The following ZNF831 variants were observed in gnomAD, a reference collection of about 807,000 sequenced individuals.
The protein encoded by ZNF831 is chromosome 20 open reading frame 174.
ZNF831 carries 59 observed loss-of-function variants against 95.8 expected under a neutral mutation model. The ratio of observed to expected loss-of-function variants is 0.62; its 90% CI spans 0.50 to 0.77. The LOEUF is 0.77. ZNF831 is among the 30% of genes least tolerant of loss of function. The pLI is 0.00. For missense variants in ZNF831, 2,205 were observed against 2,164.0 expected (o/e 1.02, Z -0.38); for synonymous variants, 961 against 925.5 (o/e 1.04, Z -0.70).
rs1486460029 is a variant in ZNF831 at position 59,253,143 on chromosome 20, G to T, written c.4188+5G>T. 1 of 1,613,796 alleles carries T rather than the reference G, an allele frequency of 6.2e-7. No individual in the cohort carries two copies. The highest frequency in any genetic ancestry group is 1.3e-5 in the African/African-American group (1 of 75,016). On this transcript the variant is annotated splice_donor_5th_base_variant and intron_variant, in intron 5 of 5. Coordinates refer to ENST00000371030, the MANE Select transcript of ZNF831 (RefSeq NM_178457.3). ...ATGGACAAACGAACTGTGAAGGTGG[G>T]CATGATGATTTTGAGCTGCCTCTAC... is the stretch of plus-strand genomic sequence containing the variant.
At chr20:59,163,491 C>G (rs1981009960), upstream of ZNF831, among the ~76,000 whole-genome samples, 1 of 152,164 alleles carries the variant, frequency 6.6e-6, no homozygotes, top group Non-Finnish European at 1.5e-5. Context: ...TCATTCTGGG[C>G]CCTCAGGAAC....
chr20:59,189,106 A>C (rs1365127100), intron 1 of ZNF831, among the ~76,000 whole-genome samples: 1 of 151,614 alleles, frequency 6.6e-6, no homozygotes, highest in Non-Finnish European at 1.5e-5. Flanking sequence ...GCTTGAATCC[A>C]GGAGGCAGAG....
At chr20:59,180,299 G>A (rs1295824090) in intron 1 of ZNF831, among the ~76,000 whole-genome samples, 1 of 152,062 alleles carries the variant, frequency 6.6e-6, no homozygotes, top group Non-Finnish European at 1.5e-5. Context: ...TGTTGCCCAG[G>A]CTGGTCTCAA....
chr20:59,213,203 A>C (rs1985459469), intron 4 of ZNF831, among the ~76,000 whole-genome samples: 1 of 152,176 alleles, frequency 6.6e-6, no homozygotes, highest in Non-Finnish European at 1.5e-5. Flanking sequence ...TTTATGTAAA[A>C]ATGTATGTCC....
chr20:59,178,045 G>A (rs992289157), intron 1 of ZNF831, among the ~76,000 whole-genome samples: 14 of 152,154 alleles, frequency 9.2e-5, no homozygotes, highest in African/African-American at 2.7e-4. Context: ...CAACAGATGC[G>A]GCGAGAAGCT....
rs749030384 is a variant in ZNF831 at position 59,192,822 on chromosome 20, A to G, written c.1803A>G (p.Arg601=). The change falls in exon 2 of 6, where the codon AGA becomes AGG. Residue 601 remains arginine, a synonymous_variant. Coordinates refer to ENST00000371030, the MANE Select transcript of ZNF831 (RefSeq NM_178457.3). The surrounding 1 kb of genome is among the most constrained non-coding windows in gnomAD (Gnocchi z 5.2). ...GGGAGGCCATGGCCGGCAAGGGCAG[A>G]GCGGGCGGCAGGAAGTGCGGCCAGA... ...AAREAMAGKG[R]AGGRKCGQRR... is the part of the protein sequence containing the mutation. The G allele has an allele frequency of 6.2e-7, 1 of 1,609,714 alleles. No homozygotes were observed. The highest frequency in any genetic ancestry group is 1.7e-4 in the Middle Eastern group (1 of 6,036).
rs778790344 is a variant in ZNF831 at position 59,192,694 on chromosome 20, C to A, written c.1675C>A (p.Arg559=). The change falls in exon 2 of 6, where the codon CGG becomes AGG. Residue 559 remains arginine, a synonymous_variant. Transcript: ENST00000371030. This position sits in a 1 kb window ranked among gnomAD's most constrained non-coding sequence, Gnocchi z 5.2. ...GACTGACGTTCCCAGTGGGCATCCC[C>A]GGGCCCTGGTCAGACAGGCCGCGGT... ...SSTDVPSGHP[R]ALVRQAAVED... is the part of the protein sequence containing the mutation. 1 of 1,580,626 alleles carries A rather than the reference C, an allele frequency of 6.3e-7. No homozygotes were observed.
intron 1 of ZNF831, among the ~76,000 whole-genome samples, chr20:59,170,557 G>A (rs1981645592): frequency 6.6e-6 from 1 of 152,176 alleles, no homozygotes; most frequent in Non-Finnish European, 1.5e-5. Context: ...CTGGAATGTG[G>A]TCTATCTTGA....
intron 4 of ZNF831, among the ~76,000 whole-genome samples, chr20:59,225,620 G>A (rs1027485121): frequency 6.6e-6 from 1 of 152,184 alleles, no homozygotes; most frequent in Admixed American, 6.5e-5. Flanking sequence ...GTTTTCCAGG[G>A]GACAGGAGCA....
At chr20:59,253,377 G>A (rs1988003120) in intron 5 of ZNF831, among the ~76,000 whole-genome samples, 1 of 152,092 alleles carries the variant, frequency 6.6e-6, no homozygotes, top group Admixed American at 6.5e-5. Context: ...AAAACCCCAA[G>A]TATGTTATTA....
At chr20:59,249,698 C>T (rs374440508) in intron 4 of ZNF831, among the ~76,000 whole-genome samples, 1 of 152,070 alleles carries the variant, frequency 6.6e-6, no homozygotes, top group Non-Finnish European at 1.5e-5. Flanking sequence ...GTGCACTTCT[C>T]TACGGATTTT....
At chr20:59,249,390 G>A (rs940944948) in intron 4 of ZNF831, among the ~76,000 whole-genome samples, 7 of 151,932 alleles carry the variant, frequency 4.6e-5, no homozygotes, top group African/African-American at 1.5e-4. Flanking sequence ...TAATATCCCC[G>A]TCCTCGATTT....
At chr20:59,250,254 A>G (rs1987817352) in intron 4 of ZNF831, among the ~76,000 whole-genome samples, 1 of 152,162 alleles carries the variant, frequency 6.6e-6, no homozygotes, top group Non-Finnish European at 1.5e-5. Flanking sequence ...GGTTTGAGCA[A>G]ATGTGAATAC....
chr20:59,202,273 T>A (rs903339485), intron 3 of ZNF831, among the ~76,000 whole-genome samples: 5 of 151,918 alleles, frequency 3.3e-5, no homozygotes, highest in African/African-American at 9.7e-5. Flanking sequence ...ATTATTTTTT[T>A]AATTTGCTTG....
intron 1 of ZNF831, among the ~76,000 whole-genome samples, chr20:59,189,683 G>A (rs1983350196): frequency 6.6e-6 from 1 of 152,062 alleles, no homozygotes; most frequent in Non-Finnish European, 1.5e-5. Context: ...GGCTAATTTT[G>A]TATTTTTAGT....
intron 4 of ZNF831, among the ~76,000 whole-genome samples, chr20:59,212,477 T>A (rs566546047): frequency 4.2e-4 from 64 of 152,322 alleles, no homozygotes; most frequent in Middle Eastern, 3.4e-3. Flanking sequence ...AATTTCTTTT[T>A]AAATATCAAC....
At chr20:59,232,695 AT>A (rs1487678628) in intron 4 of ZNF831, among the ~76,000 whole-genome samples, 2 of 152,174 alleles carry the variant, frequency 1.3e-5, no homozygotes, top group Non-Finnish European at 2.9e-5. Context: ...ATGAGCATCT[AT>A]TTTGTACCCC....
At chr20:59,212,286 C>A (rs1452878842) in intron 4 of ZNF831, among the ~76,000 whole-genome samples, 3 of 152,084 alleles carry the variant, frequency 2.0e-5, no homozygotes, top group Non-Finnish European at 2.9e-5. Flanking sequence ...GATGGCTTGG[C>A]AGTGAAGTCA....
chr20:59,190,686 C>G lies in ZNF831; in HGVS notation c.-36-298C>G, dbSNP rs188596688. On this transcript the variant is annotated intron_variant, in intron 1 of 5. Transcript: ENST00000371030. ...TGCTGGTGCCAGGGGATGATGGTGG[C>G]AAACCTGCCATGGACCTGTGCAGAT... Among the ~76,000 whole-genome samples the G allele has an allele frequency of 1.7e-3, 254 of 152,338 alleles. 1 individual carries two copies. The highest frequency in any genetic ancestry group is 5.9e-3 in the African/African-American group (245 of 41,574).
Sources: gnomAD v4.1 joint callset for allele counts (sites outside exome capture counted in the v4.1 genomes callset) on GRCh38, gnomAD v4.1.1 for gene constraint, Gnocchi (gnomAD v3.1) non-coding constraint, MANE v1.5 for transcripts, NCBI Gene and HGNC (gene_info 2026-07-23, HGNC 2026-07-21) for gene names.